Variants in PCGF3 observed in about 807,000 individuals in gnomAD.
The protein encoded by PCGF3 is polycomb group ring finger 3, also known as polycomb group RING finger protein 3.
In PCGF3, 7 loss-of-function variants were observed where a neutral mutation model predicts 33.1. The ratio of observed to expected loss-of-function variants is 0.21; its 90% CI spans 0.12 to 0.40. The LOEUF is 0.40. Among genes scored for constraint, PCGF3 ranks in the 10% least tolerant of loss-of-function variants. PCGF3 has a pLI of 1.00. For synonymous variants in PCGF3, 153 were observed against 121.3 expected, an observed-to-expected ratio of 1.26 and a Z score of -1.72; for missense variants, 211 against 313.3, an observed-to-expected ratio of 0.67 and a Z score of 2.46.
intron 1 of PCGF3, among the ~76,000 whole-genome samples, chr4:725,859 G>T (rs1743311770): frequency 6.6e-6 from 1 of 152,282 alleles, no homozygotes; most frequent in African/African-American, 2.4e-5. Flanking sequence ...GATGATGACG[G>T]AGCCTCCTGG....
chr4:754,450 G>A (rs894598172), intron 8 of PCGF3, among the ~76,000 whole-genome samples: 1 of 152,228 alleles, frequency 6.6e-6, no homozygotes, highest in Non-Finnish European at 1.5e-5. Context: ...GGGTTGGCTG[G>A]TGGGGAGCGG....
chr4:707,220 G>T (rs998311161), intron 1 of PCGF3, among the ~76,000 whole-genome samples: 5 of 151,932 alleles, frequency 3.3e-5, no homozygotes, highest in Non-Finnish European at 7.4e-5. Context: ...GCAGGGCCCG[G>T]GGGGGCTAGG....
At position 721,084 on chromosome 4, in the gene PCGF3, C is replaced by T. The variant is rs1414786447; in HGVS notation, c.-189-9546C>T. Among the ~76,000 whole-genome samples, 1 of 151,432 alleles carries T rather than the reference C, an allele frequency of 6.6e-6. No homozygotes were observed. Among genetic ancestry groups the T allele is most frequent in the Admixed American group, 6.6e-5 (1 of 15,234 alleles). On this transcript the variant is annotated intron_variant, in intron 1 of 10. Transcript: ENST00000362003. The surrounding 1 kb of genome is among the most constrained non-coding windows in gnomAD (Gnocchi z 4.1). Reference sequence around the variant, plus strand: ...CACCCCTCCCACCTGGGCTGGGCACCCATGAGGCTGAGGACCCTGGGGAGG... The same window carrying T: ...CACCCCTCCCACCTGGGCTGGGCACTCATGAGGCTGAGGACCCTGGGGAGG...
intron 10 of PCGF3, among the ~76,000 whole-genome samples, chr4:765,661 C>T (rs12644402): frequency 0.058 from 8,818 of 152,188 alleles, 433 homozygotes; most frequent in South Asian, 0.16. Flanking sequence ...TCTCCCACCT[C>T]AGCTGGTGTT....
chr4:753,886 T>C (rs1408412740), intron 8 of PCGF3, among the ~76,000 whole-genome samples: 1 of 152,108 alleles, frequency 6.6e-6, no homozygotes. Context: ...TGAGCTGAGA[T>C]CGAGGCACTG....
chr4:725,833 C>A (rs1743310438), intron 1 of PCGF3, among the ~76,000 whole-genome samples: 1 of 152,154 alleles, frequency 6.6e-6, no homozygotes, highest in Non-Finnish European at 1.5e-5. Flanking sequence ...CCCGGGTCCC[C>A]CAGCAGGTGA....
intron 6 of PCGF3, among the ~76,000 whole-genome samples, chr4:740,576 A>G (rs1039436297): frequency 3.3e-5 from 5 of 152,036 alleles, no homozygotes; most frequent in Admixed American, 2.0e-4. Context: ...GATCCTGAAC[A>G]TGCCTGTCAC....
Position 743,578 on chromosome 4 carries a change from C to T in PCGF3, c.367C>T (p.Arg123Trp), listed in dbSNP as rs201626789. ...TGCAAAACAGCACTTAGATTCCCAT[C>T]GGAATGGTGAGTGCCCTGCGTGCCC... The change falls in exon 7 of 11, where the codon CGG becomes TGG. Residue 123 changes from arginine (R) to tryptophan (W), a missense_variant. Coordinates refer to ENST00000362003, the Ensembl canonical transcript of PCGF3. 75 of 1,593,158 alleles carry T rather than the reference C, an allele frequency of 4.7e-5. No individual in the cohort carries two copies. The African/African-American group carries it at 7.5e-4, about 16-fold the overall frequency.
rs1344909955 is a variant in PCGF3, at chr4:721,115, C to G, written c.-189-9515C>G. 6.6e-6 allele frequency among the ~76,000 whole-genome samples: 1 copy of G among 152,024 alleles called. No individual in the cohort carries two copies. The highest frequency in any genetic ancestry group is 2.4e-5 in the African/African-American group (1 of 41,370). On this transcript the variant is annotated intron_variant, in intron 1 of 10. Coordinates refer to ENST00000362003, the Ensembl canonical transcript of PCGF3. The surrounding 1 kb of genome is among the most constrained non-coding windows in gnomAD (Gnocchi z 4.1). ...GGCTGAGGACCCTGGGGAGGGAACGCTGCTTGTCGGGCGGTGGTGACGATT... is the reference window on the plus strand; with the variant it reads ...GGCTGAGGACCCTGGGGAGGGAACGGTGCTTGTCGGGCGGTGGTGACGATT...
intron 8 of PCGF3, 107 bp from the exon 9 acceptor site, chr4:761,172 G>A (rs1577445836): frequency 1.2e-6 from 1 of 812,088 alleles, no homozygotes; most frequent in Non-Finnish European, 1.8e-6. Flanking sequence ...ATCTCAAAAA[G>A]GTCAGCAGTC....
At chr4:740,812 C>T (rs947502600) in intron 6 of PCGF3, among the ~76,000 whole-genome samples, 5 of 152,304 alleles carry the variant, frequency 3.3e-5, no homozygotes, top group Admixed American at 1.3e-4. Context: ...CAGCTGTGGT[C>T]GCCTTCACCC....
intron 8 of PCGF3, among the ~76,000 whole-genome samples, chr4:752,337 C>G (rs748945306): frequency 2.0e-5 from 3 of 152,266 alleles, no homozygotes; most frequent in African/African-American, 4.8e-5. Flanking sequence ...TCAGGTGACT[C>G]ATTTGCTTCA....
intron 9 of PCGF3, chr4:761,732 G>T: frequency 1.0e-6 from 1 of 985,448 alleles, no homozygotes; most frequent in Non-Finnish European, 1.2e-6. Flanking sequence ...TTCACAAGGG[G>T]AGACATGGGC....
intron 6 of PCGF3, among the ~76,000 whole-genome samples, chr4:741,575 T>A (rs1344284157): frequency 6.6e-6 from 1 of 151,626 alleles, no homozygotes; most frequent in African/African-American, 2.4e-5. Flanking sequence ...CCTGGCTAAT[T>A]TTTTGTATTT....
chr4:711,445 T>TTC (rs1742558609), intron 1 of PCGF3, among the ~76,000 whole-genome samples: 1 of 137,508 alleles, frequency 7.3e-6, no homozygotes, highest in African/African-American at 2.6e-5. Flanking sequence ...TAATTTTTCT[T>TTC]TTTTTTTTCT....
chr4:744,360 C>CG (rs1181038767), intron 7 of PCGF3, among the ~76,000 whole-genome samples: 1 of 152,242 alleles, frequency 6.6e-6, no homozygotes, highest in Non-Finnish European at 1.5e-5. Flanking sequence ...CCGGCTGCCC[C>CG]GTCTCTGTCT....
rs1007461043 is a variant in PCGF3, at chr4:721,538, C to T, written c.-189-9092C>T. Among the ~76,000 whole-genome samples the T allele has an allele frequency of 3.3e-5, 5 of 151,950 alleles. No homozygotes were observed. Among genetic ancestry groups the T allele is most frequent in the Non-Finnish European group, 7.4e-5 (5 of 67,976 alleles). On this transcript the variant is annotated intron_variant, in intron 1 of 10. Transcript: ENST00000362003. The surrounding 1 kb of genome is among the most constrained non-coding windows in gnomAD (Gnocchi z 4.1). ...AGGGAGTCGGTGCCTTAGGAGGCTG[C>T]GGGCGAGGCGAGGGCAGAGTGCACT... is the stretch of plus-strand genomic sequence containing the variant.
intron 9 of PCGF3, among the ~76,000 whole-genome samples, chr4:764,032 G>T (rs538556224): frequency 1.3e-5 from 2 of 152,302 alleles, no homozygotes; most frequent in South Asian, 4.1e-4. Flanking sequence ...GAGGCTGCAG[G>T]GGCTTGAGGA....
intron 5 of PCGF3, among the ~76,000 whole-genome samples, chr4:736,858 C>T (rs1303387321): frequency 2.5e-5 from 3 of 120,802 alleles, no homozygotes; most frequent in African/African-American, 9.6e-5. Context: ...GGGCGGTGTC[C>T]CCTGAGCGCA....
Sources: allele counts gnomAD v4.1 joint callset (sites outside exome capture counted in the v4.1 genomes callset), GRCh38; gene constraint gnomAD v4.1.1; non-coding constraint Gnocchi (gnomAD v3.1); transcripts MANE v1.5; gene names NCBI Gene and HGNC (gene_info 2026-07-23, HGNC 2026-07-21).